GRM8: variants seen among roughly 807,000 people sequenced by gnomAD.
The protein encoded by GRM8 is glutamate metabotropic receptor 8.
GRM8 carries 47 observed loss-of-function variants against 87.2 expected under a neutral mutation model. That is an observed-to-expected ratio of 0.54 (90% confidence interval 0.43 to 0.69). The LOEUF (loss-of-function observed/expected upper bound fraction) is 0.69, where lower values mean the gene tolerates loss of function less well. Ranked by LOEUF, GRM8 falls within the 30% of genes least tolerant of loss-of-function variation. The pLI is 0.00. For missense variants in GRM8, 1,019 were observed against 1,139.2 expected (o/e 0.89, Z 1.52); for synonymous variants, 396 against 404.5 (o/e 0.98, Z 0.25).
intron 3 of GRM8, among the ~76,000 whole-genome samples, chr7:126,907,440 T>G (rs1190425140): frequency 6.6e-6 from 1 of 152,006 alleles, no homozygotes; most frequent in Non-Finnish European, 1.5e-5. Context: ...GAATTTAATT[T>G]AGATTGAGGA....
intron 6 of GRM8, among the ~76,000 whole-genome samples, chr7:126,882,720 T>C (rs929889816): frequency 5.9e-5 from 9 of 152,272 alleles, no homozygotes; most frequent in Non-Finnish European, 1.0e-4. Flanking sequence ...CAGAGTTCAG[T>C]TTCAGGGAAA....
At chr7:126,766,454 G>T (rs918402144) in intron 7 of GRM8, among the ~76,000 whole-genome samples, 1 of 152,090 alleles carries the variant, frequency 6.6e-6, no homozygotes, top group East Asian at 1.9e-4. Context: ...CATTGGGATA[G>T]CCACTATTCA....
chr7:126,593,561 A>G (rs12538680), intron 8 of GRM8, among the ~76,000 whole-genome samples: 46,909 of 151,916 alleles, frequency 0.31, 8,124 homozygotes, highest in East Asian at 0.44. Context: ...AGAAGAATAA[A>G]TTTAGGTAAT....
intron 2 of GRM8, among the ~76,000 whole-genome samples, chr7:127,116,023 G>A (rs987543818): frequency 6.6e-6 from 1 of 152,168 alleles, no homozygotes; most frequent in South Asian, 2.1e-4. Context: ...GGCCGAGGCT[G>A]CAAGATCACT....
intron 3 of GRM8, among the ~76,000 whole-genome samples, chr7:126,961,745 C>A (rs948176056): frequency 2.0e-5 from 3 of 152,220 alleles, no homozygotes; most frequent in African/African-American, 7.2e-5. Context: ...CCATCACAAG[C>A]CTCGTGGGAG....
At chr7:126,857,234 G>T (rs116878177) in intron 6 of GRM8, among the ~76,000 whole-genome samples, 2 of 152,152 alleles carry the variant, frequency 1.3e-5, no homozygotes, top group Non-Finnish European at 2.9e-5. Flanking sequence ...ATGCCTAGAG[G>T]AGTCTGTCTA....
chr7:126,485,324 T>C (rs975847325), intron 9 of GRM8, among the ~76,000 whole-genome samples: 6 of 136,248 alleles, frequency 4.4e-5, no homozygotes, highest in Non-Finnish European at 7.8e-5. Context: ...AAGGTCTTAA[T>C]AGACAAATCA....
At chr7:127,203,782 G>T (rs958990121) in intron 2 of GRM8, among the ~76,000 whole-genome samples, 1 of 151,574 alleles carries the variant, frequency 6.6e-6, no homozygotes, top group Non-Finnish European at 1.5e-5. Context: ...AAAAAGGGGG[G>T]TGAGGCGGTG....
intron 3 of GRM8, among the ~76,000 whole-genome samples, chr7:127,001,832 T>C (rs1459126916): frequency 2.0e-5 from 3 of 151,646 alleles, no homozygotes; most frequent in Non-Finnish European, 1.5e-5. Flanking sequence ...ATACATCCTT[T>C]CAATGGAATA....
At chr7:126,725,327 C>A (rs1053585585) in intron 7 of GRM8, among the ~76,000 whole-genome samples, 2 of 152,152 alleles carry the variant, frequency 1.3e-5, no homozygotes, top group Non-Finnish European at 2.9e-5. Context: ...CTTGTCAGGC[C>A]CCAGATTGTG....
rs147480710 is a variant in GRM8 at position 126,799,846 on chromosome 7, A to C, written c.1157-29781T>G. ...AGTTTGCTCCCTCTAAGTTGGGTTT[A>C]CTTAGCTCATTGAGACTTCTAAGAA... On this transcript the variant is annotated intron_variant, in intron 6 of 10. Transcript: ENST00000339582. Among the ~76,000 whole-genome samples, 5 of 152,208 alleles carry C rather than the reference A, an allele frequency of 3.3e-5. No individual in the cohort carries two copies. The East Asian group carries it at 9.7e-4, about 29-fold the overall frequency.
At chr7:126,531,486 GT>G (rs1814810848) in intron 9 of GRM8, among the ~76,000 whole-genome samples, 2 of 152,068 alleles carry the variant, frequency 1.3e-5, no homozygotes, top group African/African-American at 4.8e-5. Flanking sequence ...TAACCCCCAG[GT>G]TTTCAAATGA....
At chr7:126,885,852 A>T (rs775373699) in intron 6 of GRM8, among the ~76,000 whole-genome samples, 1 of 152,202 alleles carries the variant, frequency 6.6e-6, no homozygotes, top group Non-Finnish European at 1.5e-5. Context: ...CCAATTTGTA[A>T]TCACAATAAA....
In GRM8 at chr7:126,693,893, T is replaced by C. The variant is rs1337954100; in HGVS notation, c.1357+75972A>G. ...TGTTTCATTTATTACATCTAAGTCT[T>C]AATCATTTTCATAAATGTATCAGTC... On this transcript the variant is annotated intron_variant, in intron 7 of 10. Coordinates refer to ENST00000339582, the MANE Select transcript of GRM8 (RefSeq NM_000845.3). Among the ~76,000 whole-genome samples the C allele has an allele frequency of 9.2e-5, 14 of 152,092 alleles. No homozygotes were observed. In the East Asian group the frequency reaches 2.7e-3, roughly 29 times the overall value.
intron 8 of GRM8, among the ~76,000 whole-genome samples, chr7:126,560,618 T>C (rs554652498): frequency 6.6e-6 from 1 of 152,304 alleles, no homozygotes; most frequent in East Asian, 1.9e-4. Context: ...AGGCCTTATA[T>C]AATAAATACA....
intron 8 of GRM8, among the ~76,000 whole-genome samples, chr7:126,542,598 A>G (rs557046508): frequency 6.6e-6 from 1 of 152,312 alleles, no homozygotes; most frequent in African/African-American, 2.4e-5. Flanking sequence ...TGTACACTGT[A>G]ATCACTGTAA....
chr7:126,790,647 G>A (rs920663380), intron 6 of GRM8, among the ~76,000 whole-genome samples: 5 of 151,964 alleles, frequency 3.3e-5, no homozygotes, highest in Non-Finnish European at 5.9e-5. Context: ...GTTTTCTTAC[G>A]GTCGTGCCAA....
intron 3 of GRM8, among the ~76,000 whole-genome samples, chr7:127,004,218 A>G (rs1009547269): frequency 1.3e-5 from 2 of 151,672 alleles, no homozygotes; most frequent in African/African-American, 4.8e-5. Context: ...ATATGAATTC[A>G]ATTACTATAG....
At chr7:126,622,297 C>G (rs996906580) in intron 7 of GRM8, among the ~76,000 whole-genome samples, 1 of 152,132 alleles carries the variant, frequency 6.6e-6, no homozygotes, top group Non-Finnish European at 1.5e-5. Flanking sequence ...CATGGACAAT[C>G]AGCATTGCTC....
Sources: gnomAD v4.1 joint callset for allele counts (sites outside exome capture counted in the v4.1 genomes callset) on GRCh38, gnomAD v4.1.1 for gene constraint, MANE v1.5 for transcripts, NCBI Gene and HGNC (gene_info 2026-07-23, HGNC 2026-07-21) for gene names.